EDIL3: variants seen among roughly 807,000 people sequenced by gnomAD.
The protein encoded by EDIL3 is EGF-like repeat and discoidin I-like domain-containing protein 3.
In EDIL3, 37 loss-of-function variants were observed where a neutral mutation model predicts 67.4. The observed-to-expected ratio is 0.55, with a 90% CI of 0.42 to 0.72. The LOEUF (loss-of-function observed/expected upper bound fraction) is 0.72, where lower values mean the gene tolerates loss of function less well. Ranked by LOEUF, EDIL3 falls within the 30% of genes least tolerant of loss-of-function variation. EDIL3 has a pLI of 0.00. For synonymous variants in EDIL3, 195 were observed against 196.3 expected (o/e 0.99, Z 0.05); for missense variants, 527 against 586.3 (o/e 0.90, Z 1.04).
At chr5:84,176,429 T>C (rs1411254788) in intron 4 of EDIL3, among the ~76,000 whole-genome samples, 1 of 150,536 alleles carries the variant, frequency 6.6e-6, no homozygotes. Context: ...AGCCCTCTTT[T>C]CTTGAAAAGT....
At position 83,941,467 on chromosome 5, in the gene EDIL3, G is replaced by A. The variant is rs1220596293; in HGVS notation, c.*1952C>T. 2.6e-5 allele frequency: 4 copies of A among 151,928 alleles called. No individual in the cohort carries two copies. The highest frequency in any genetic ancestry group is 9.7e-5 in the African/African-American group (4 of 41,408). The allele number at this position is 151,928 out of a possible 1,614,324, so 9.4% of individuals were successfully genotyped here. ...AATAATCTTAAAAATACACTCTTAA[G>A]AAGGTATGTAATTTGCAAAGGAAAA... is the stretch of plus-strand genomic sequence containing the variant. On this transcript the variant is annotated 3_prime_UTR_variant, in exon 11 of 11. Transcript: ENST00000296591.
chr5:84,303,836 GTGTGTGTGTGTGTT>G (rs1228135671), intron 1 of EDIL3, among the ~76,000 whole-genome samples: 18 of 147,676 alleles, frequency 1.2e-4, no homozygotes, highest in African/African-American at 2.8e-4. Context: ...GTGTGTGTGT[GTGTGTGTGTGTGTT>G]TGTGTGTGTG....
intron 4 of EDIL3, among the ~76,000 whole-genome samples, chr5:84,163,737 T>C (rs1312925217): frequency 1.3e-5 from 2 of 152,104 alleles, no homozygotes; most frequent in African/African-American, 4.8e-5. Flanking sequence ...AAGGAAAGTT[T>C]TAGCAAAACA....
chr5:84,060,458 A>T lies in EDIL3; in HGVS notation c.979T>A (p.Ser327Thr). ...ATCTGATAGTCTTGTATATGTCCTG[A>T]TTTCATACCCAGAGGCTCAGAACAA... ...SGCSEPLGMKSGHIQDYQITA... is the reference protein window; with the variant it reads ...SGCSEPLGMKTGHIQDYQITA... The change falls in exon 9 of 11, where the codon TCA becomes ACA. Residue 327 changes from serine to threonine, a missense_variant. Physicochemically the swap from Ser to Thr is moderately conservative, Grantham distance 58 (BLOSUM62 1). This residue lies in a region of EDIL3 where 494 missense variants were observed against 522.5 expected (regional missense o/e 0.95). Transcript: ENST00000296591. 1 of 1,613,668 alleles carries T rather than the reference A, an allele frequency of 6.2e-7. No individual in the cohort carries two copies. The highest frequency in any genetic ancestry group is 8.5e-7 in the Non-Finnish European group (1 of 1,179,780).
chr5:84,111,915 C>T (rs1006925343), intron 5 of EDIL3, among the ~76,000 whole-genome samples: 2 of 152,018 alleles, frequency 1.3e-5, no homozygotes, highest in Non-Finnish European at 2.9e-5. Flanking sequence ...GAATAATAAC[C>T]TAGCTTGGGG....
intron 9 of EDIL3, among the ~76,000 whole-genome samples, chr5:84,055,858 G>C (rs1001577002): frequency 3.2e-4 from 48 of 152,302 alleles, no homozygotes; most frequent in Admixed American, 2.9e-3. Context: ...TTACACTGTT[G>C]GTGGGACTGT....
Position 84,106,145 on chromosome 5 carries a change from GT to G in EDIL3, c.651+503del, listed in dbSNP as rs1414984162. Among the ~76,000 whole-genome samples, 8 of 152,086 alleles carry G rather than the reference GT, an allele frequency of 5.3e-5. No individual in the cohort carries two copies. In the East Asian group the frequency reaches 1.5e-3, roughly 29 times the overall value. Reference sequence around the variant, plus strand: ...TTTCAGTATATTGTTGTTTTCTCCTGTTTTAAAAAATAGCTGGTTGATGAGA... The same window carrying G: ...TTTCAGTATATTGTTGTTTTCTCCTGTTTAAAAAATAGCTGGTTGATGAGA... On this transcript the variant is annotated intron_variant, in intron 6 of 10. Transcript: ENST00000296591.
chr5:84,112,664 A>G (rs929135784), intron 5 of EDIL3, among the ~76,000 whole-genome samples: 1 of 152,140 alleles, frequency 6.6e-6, no homozygotes, highest in African/African-American at 2.4e-5. Context: ...ATCTGCTTCT[A>G]TGCTCAAACC....
chr5:84,111,194 T>C lies in EDIL3; in HGVS notation c.470-4364A>G, dbSNP rs559292624. Among the ~76,000 whole-genome samples, 14 of 152,286 alleles carry C rather than the reference T, an allele frequency of 9.2e-5. No homozygotes were observed. In the East Asian group the frequency reaches 1.9e-3, roughly 21 times the overall value. On this transcript the variant is annotated intron_variant, in intron 5 of 10. Coordinates refer to ENST00000296591, the MANE Select transcript of EDIL3 (RefSeq NM_005711.5). The stretch of plus-strand genomic sequence containing the variant: ...TGAAGCCTCCCAGCCATGCTTCCTA[T>C]ACAGCTTGTGGAATGGTGAGTCAAT...
chr5:84,095,333 C>G (rs943893260), intron 6 of EDIL3, among the ~76,000 whole-genome samples: 1 of 152,102 alleles, frequency 6.6e-6, no homozygotes, highest in African/African-American at 2.4e-5. Flanking sequence ...GAGGTTGGAA[C>G]AGTTTGGAGG....
intron 1 of EDIL3, among the ~76,000 whole-genome samples, chr5:84,328,511 C>T (rs1202020326): frequency 6.6e-6 from 1 of 152,026 alleles, no homozygotes; most frequent in Non-Finnish European, 1.5e-5. Flanking sequence ...CTTTTGATTG[C>T]TAAAACTTGA....
chr5:83,947,330 C>A (rs1187504681), intron 10 of EDIL3, among the ~76,000 whole-genome samples: 1 of 149,604 alleles, frequency 6.7e-6, no homozygotes, highest in Admixed American at 6.7e-5. Context: ...GGTAAAGATC[C>A]ATTTTCCTAG....
chr5:84,051,353 T>TG (rs1234569467), intron 9 of EDIL3, among the ~76,000 whole-genome samples: 5 of 151,876 alleles, frequency 3.3e-5, no homozygotes, highest in Non-Finnish European at 7.4e-5. Context: ...ACCACAAAGA[T>TG]GGGGAAAAAA....
intron 5 of EDIL3, among the ~76,000 whole-genome samples, chr5:84,125,496 A>T (rs77573762): frequency 1.7e-3 from 264 of 152,206 alleles, no homozygotes; most frequent in African/African-American, 5.9e-3. Context: ...TCCGGGAAGC[A>T]TACACTTCCT....
rs561148528 is a variant in EDIL3 at position 84,065,997 on chromosome 5, C to T, written c.807+454G>A. The stretch of plus-strand genomic sequence containing the variant: ...GGGCGTGGTGGTGGGCACCTGTAGT[C>T]CCAGCTACTCAGAAGGCTGAGGCAG... On this transcript the variant is annotated intron_variant, in intron 7 of 10. Coordinates refer to ENST00000296591, the MANE Select transcript of EDIL3 (RefSeq NM_005711.5). 1.1e-4 allele frequency among the ~76,000 whole-genome samples: 16 copies of T among 151,764 alleles called. No homozygotes were observed. In the South Asian group the frequency reaches 2.5e-3, roughly 24 times the overall value.
In EDIL3 at chr5:83,998,564, A is replaced by G. The variant is rs1309225534; in HGVS notation, c.1138-35204T>C. Among the ~76,000 whole-genome samples the G allele has an allele frequency of 3.9e-5, 6 of 152,100 alleles. No homozygotes were observed. In the East Asian group the frequency reaches 9.7e-4, roughly 25 times the overall value. ...CCTGCTTGAGGGAAGGAGAGAGAAG[A>G]GTGAAAAGCACTTTGTCTTGCAATG... On this transcript the variant is annotated intron_variant, in intron 9 of 10. Transcript: ENST00000296591.
At chr5:84,260,816 G>A (rs570774002) in intron 1 of EDIL3, among the ~76,000 whole-genome samples, 133 of 152,124 alleles carry the variant, frequency 8.7e-4, no homozygotes, top group African/African-American at 3.1e-3. Flanking sequence ...TTTGTATACA[G>A]ATATAGAAGT....
chr5:84,319,823 A>T (rs1746597107), intron 1 of EDIL3, among the ~76,000 whole-genome samples: 1 of 152,174 alleles, frequency 6.6e-6, no homozygotes, highest in African/African-American at 2.4e-5. Context: ...ATGCAGCCAT[A>T]AAAAAGGATG....
At chr5:84,315,779 G>A (rs1238096067) in intron 1 of EDIL3, among the ~76,000 whole-genome samples, 3 of 152,014 alleles carry the variant, frequency 2.0e-5, no homozygotes, top group Non-Finnish European at 2.9e-5. Context: ...GACATTCCTC[G>A]AGAAGAGCAA....
Sources: allele counts gnomAD v4.1 joint callset (sites outside exome capture counted in the v4.1 genomes callset), GRCh38; gene constraint gnomAD v4.1.1; regional missense constraint gnomAD v4.1.1; transcripts MANE v1.5; gene names NCBI Gene and HGNC (gene_info 2026-07-23, HGNC 2026-07-21).